The following SHANK2 variants were observed in gnomAD, a reference collection of about 807,000 sequenced individuals.
SHANK2 encodes the protein SH3 and multiple ankyrin repeat domains protein 2.
SHANK2 carries 43 observed loss-of-function variants against 133.7 expected under a neutral mutation model. The observed-to-expected ratio is 0.32, with a 90% confidence interval of 0.25 to 0.41. The LOEUF (loss-of-function observed/expected upper bound fraction) is 0.41, where lower values mean the gene tolerates loss of function less well. Among genes scored for constraint, SHANK2 ranks in the 10% least tolerant of loss-of-function variants. The pLI is 1.00. For missense variants in SHANK2, 1,994 were observed against 2,235.8 expected (o/e 0.89, Z 2.18); for synonymous variants, 1,017 against 952.8 (o/e 1.07, Z -1.24).
At chr11:71,206,911 T>C (rs1954137419) in intron 2 of SHANK2, among the ~76,000 whole-genome samples, 1 of 152,008 alleles carries the variant, frequency 6.6e-6, no homozygotes, top group African/African-American at 2.4e-5. Flanking sequence ...CCCTGGTCTC[T>C]ACAAAAAGTC....
intron 7 of SHANK2, 61 bp from the exon 8 acceptor site, chr11:71,092,650 G>A (rs1436671392): frequency 6.6e-7 from 1 of 1,511,478 alleles, no homozygotes; most frequent in South Asian, 1.2e-5. Context: ...GCAGAGTGAG[G>A]TGATCCAGAA....
intron 14 of SHANK2, among the ~76,000 whole-genome samples, chr11:70,759,113 C>T (rs533454132): frequency 4.0e-5 from 6 of 151,348 alleles, no homozygotes; most frequent in East Asian, 4.0e-4. Context: ...AGCAGTGAGC[C>T]GAGATCACGC....
chr11:71,127,568 C>A (rs2135312014), intron 3 of SHANK2, among the ~76,000 whole-genome samples: 1 of 152,280 alleles, frequency 6.6e-6, no homozygotes, highest in South Asian at 2.1e-4. Context: ...ACAAGACACT[C>A]CACCAACAAA....
chr11:71,176,565 A>G (rs1953450491), intron 2 of SHANK2, among the ~76,000 whole-genome samples: 2 of 152,238 alleles, frequency 1.3e-5, no homozygotes. Flanking sequence ...ATCTGAAGTG[A>G]AAAATACCCT....
chr11:70,720,612 T>C (rs971173894), intron 14 of SHANK2, among the ~76,000 whole-genome samples: 101 of 152,310 alleles, frequency 6.6e-4, no homozygotes, highest in African/African-American at 2.3e-3. Flanking sequence ...GGGCTGGAGA[T>C]AGAGTTGTTT....
At chr11:70,816,885 C>T (rs1190531104) in intron 12 of SHANK2, among the ~76,000 whole-genome samples, 2 of 152,198 alleles carry the variant, frequency 1.3e-5, no homozygotes, top group Non-Finnish European at 1.5e-5. Flanking sequence ...ACATTCAGAC[C>T]AAGTGTGCTC....
intron 10 of SHANK2, among the ~76,000 whole-genome samples, chr11:70,906,582 C>G (rs1331480057): frequency 6.6e-6 from 1 of 152,164 alleles, no homozygotes; most frequent in Admixed American, 6.5e-5. Flanking sequence ...CCTGACACCC[C>G]CTCGCCATAA....
chr11:71,241,870 G>C (rs557850931), intron 1 of SHANK2, among the ~76,000 whole-genome samples: 15 of 152,204 alleles, frequency 9.9e-5, no homozygotes, highest in African/African-American at 3.6e-4. Context: ...AAGACCAGAC[G>C]GGCCTGGGGC....
rs370293758 is a variant in SHANK2, at chr11:70,613,322, G to A, written c.2061+46506C>T. ...AGGTTCATGCCATTCTCCTGCCTCCGCCTCCCAAGTAGGTGGGACTACAGG... is the reference window on the plus strand; with the variant it reads ...AGGTTCATGCCATTCTCCTGCCTCCACCTCCCAAGTAGGTGGGACTACAGG... On this transcript the variant is annotated intron_variant, in intron 17 of 25. Coordinates refer to ENST00000601538, the MANE Select transcript of SHANK2 (RefSeq NM_012309.5). Among the ~76,000 whole-genome samples, 69 of 151,970 alleles carry A rather than the reference G, an allele frequency of 4.5e-4. No individual in the cohort carries two copies. The East Asian group carries it at 7.0e-3, about 15-fold the overall frequency.
intron 11 of SHANK2, chr11:70,863,166 G>C (rs903145596): frequency 5.8e-5 from 21 of 362,570 alleles, no homozygotes; most frequent in African/African-American, 4.3e-4. Flanking sequence ...TAATTTGTAG[G>C]CCAGACAGCA....
chr11:71,171,542 G>A (rs1190663148), intron 2 of SHANK2, among the ~76,000 whole-genome samples: 2 of 152,218 alleles, frequency 1.3e-5, no homozygotes, highest in Admixed American at 1.3e-4. Flanking sequence ...GTTGTCCAAA[G>A]ACAAGAGAGG....
intron 14 of SHANK2, among the ~76,000 whole-genome samples, chr11:70,746,817 G>GA (rs67800725): frequency 0.098 from 48 of 492 alleles, no homozygotes; most frequent in Non-Finnish European, 0.17. Context: ...CCCCCACACT[G>GA]GGGGAGGGCT....
At chr11:71,079,400 T>C (rs918385766) in intron 8 of SHANK2, among the ~76,000 whole-genome samples, 1 of 152,128 alleles carries the variant, frequency 6.6e-6, no homozygotes, top group Non-Finnish European at 1.5e-5. Flanking sequence ...CATATGGGAG[T>C]TCCTTGTACT....
In SHANK2 at chr11:71,073,152, TTTTCTTTTTTTTC is replaced by T. The variant is rs1463428088; in HGVS notation, c.1029+1994_1029+2006del. Among the ~76,000 whole-genome samples, 80 of 31,808 alleles carry T rather than the reference TTTTCTTTTTTTTC, an allele frequency of 2.5e-3. 14 individuals carry two copies. Among genetic ancestry groups the T allele is most frequent in the Admixed American group, 0.024 (43 of 1,784 alleles). The allele number at this position is 31,808 out of a possible 152,430, so 20.9% of individuals were successfully genotyped here. A position where few individuals can be genotyped will look rare whatever the true frequency, so the allele number is the denominator to read the frequency against. The stretch of plus-strand genomic sequence containing the variant: ...GTTTTTTTTCTTTTTCTTTTCTTTT[TTTTCTTTTTTTTC>T]TTTTTTTTTTTGAGATAGAGTCTTG... On this transcript the variant is annotated intron_variant, in intron 9 of 25. Coordinates refer to ENST00000601538, the MANE Select transcript of SHANK2 (RefSeq NM_012309.5).
At chr11:70,738,756 C>T (rs1946461756) in intron 14 of SHANK2, among the ~76,000 whole-genome samples, 1 of 152,224 alleles carries the variant, frequency 6.6e-6, no homozygotes, top group Non-Finnish European at 1.5e-5. Flanking sequence ...AGCCAGAACG[C>T]CCACTGTGCC....
chr11:70,554,783 C>T (rs1349693389), intron 17 of SHANK2, among the ~76,000 whole-genome samples: 1 of 151,994 alleles, frequency 6.6e-6, no homozygotes, highest in Non-Finnish European at 1.5e-5. Context: ...CCCCATCTTT[C>T]ACCCTCCCTG....
chr11:71,141,326 C>G (rs1374606421), intron 3 of SHANK2, among the ~76,000 whole-genome samples: 2 of 146,996 alleles, frequency 1.4e-5, no homozygotes, highest in East Asian at 3.9e-4. Flanking sequence ...AACCCCCTCT[C>G]TACTAAAAAT....
intron 23 of SHANK2, chr11:70,489,609 C>T (rs1228701859): frequency 1.1e-5 from 6 of 545,062 alleles, no homozygotes; most frequent in African/African-American, 1.9e-5. Context: ...CCAGGGTTGC[C>T]TCCACAACTC....
At chr11:70,850,737 C>T (rs1204618764) in intron 11 of SHANK2, among the ~76,000 whole-genome samples, 2 of 152,176 alleles carry the variant, frequency 1.3e-5, no homozygotes, top group African/African-American at 2.4e-5. Flanking sequence ...TTCTGAATCC[C>T]ATCAGACTGC....
Sources: allele counts gnomAD v4.1 joint callset (sites outside exome capture counted in the v4.1 genomes callset), GRCh38; gene constraint gnomAD v4.1.1; transcripts MANE v1.5; gene names NCBI Gene and HGNC (gene_info 2026-07-23, HGNC 2026-07-21).